AUTS2: variants seen among roughly 807,000 people sequenced by gnomAD.
AUTS2 encodes the protein autism susceptibility gene 2 protein.
AUTS2 carries 17 observed loss-of-function variants against 112.4 expected under a neutral mutation model. The ratio of observed to expected loss-of-function variants is 0.15; its 90% confidence interval spans 0.10 to 0.23. The LOEUF is 0.23. Ranked by LOEUF, AUTS2 falls within the 10% of genes least tolerant of loss-of-function variation. The probability of loss-of-function intolerance (pLI) is 1.00; values close to 1 mark genes in which losing one functional copy is unlikely to be tolerated. For synonymous variants in AUTS2, 751 were observed against 702.7 expected, an observed-to-expected ratio of 1.07 and a Z score of -1.09; for missense variants, 1,510 against 1,701.6, an observed-to-expected ratio of 0.89 and a Z score of 1.98.
intron 2 of AUTS2, among the ~76,000 whole-genome samples, chr7:69,911,920 G>A (rs895126723): frequency 3.9e-5 from 6 of 152,074 alleles, no homozygotes; most frequent in Admixed American, 2.6e-4. Flanking sequence ...ATTTCACTGG[G>A]GACCTGTCCC....
At chr7:70,667,289 G>T (rs887493961) in intron 5 of AUTS2, among the ~76,000 whole-genome samples, 11 of 152,270 alleles carry the variant, frequency 7.2e-5, no homozygotes, top group African/African-American at 2.4e-4. Context: ...TTATAATACA[G>T]ATGTGAGCAA....
intron 4 of AUTS2, among the ~76,000 whole-genome samples, chr7:70,208,245 A>G (rs1460196005): frequency 6.6e-6 from 1 of 152,116 alleles, no homozygotes; most frequent in Non-Finnish European, 1.5e-5. Flanking sequence ...TTCAAAATAA[A>G]CTACTTCACT....
chr7:69,766,864 T>C (rs1788443174), intron 1 of AUTS2, among the ~76,000 whole-genome samples: 1 of 152,238 alleles, frequency 6.6e-6, no homozygotes, highest in South Asian at 2.1e-4. Flanking sequence ...GGATAAGAGT[T>C]GGAGTGGCAT....
intron 5 of AUTS2, among the ~76,000 whole-genome samples, chr7:70,637,752 G>A (rs1388709360): frequency 6.6e-6 from 1 of 152,082 alleles, no homozygotes; most frequent in Non-Finnish European, 1.5e-5. Flanking sequence ...GTGGGCAAGG[G>A]GATAATAGTG....
chr7:70,471,681 G>T (rs1797388469), intron 5 of AUTS2, among the ~76,000 whole-genome samples: 1 of 152,150 alleles, frequency 6.6e-6, no homozygotes, highest in Non-Finnish European at 1.5e-5. Flanking sequence ...TGGTGTGTGA[G>T]ATGATGTGCT....
intron 1 of AUTS2, among the ~76,000 whole-genome samples, chr7:69,791,082 C>T (rs1262159649): frequency 6.6e-6 from 1 of 152,232 alleles, no homozygotes; most frequent in Non-Finnish European, 1.5e-5. Flanking sequence ...AGAATGACCT[C>T]ATAGTTTCTG....
chr7:69,712,981 G>A (rs750872112), intron 1 of AUTS2, among the ~76,000 whole-genome samples: 1 of 152,092 alleles, frequency 6.6e-6, no homozygotes, highest in Non-Finnish European at 1.5e-5. Context: ...TAGATGTTGA[G>A]CATCTTTTCA....
chr7:70,234,701 T>C (rs1406524951), intron 4 of AUTS2, among the ~76,000 whole-genome samples: 2 of 152,218 alleles, frequency 1.3e-5, no homozygotes, highest in African/African-American at 2.4e-5. Flanking sequence ...GCTATTTGTA[T>C]TGGGCTATTT....
intron 5 of AUTS2, among the ~76,000 whole-genome samples, chr7:70,506,851 C>T (rs1325788990): frequency 6.6e-6 from 1 of 152,186 alleles, no homozygotes; most frequent in African/African-American, 2.4e-5. Context: ...TATGGTGTGT[C>T]CCAACCTACT....
intron 4 of AUTS2, among the ~76,000 whole-genome samples, chr7:70,354,372 T>A (rs1308376386): frequency 6.6e-6 from 1 of 152,248 alleles, no homozygotes; most frequent in Non-Finnish European, 1.5e-5. Context: ...ATCACAACTC[T>A]TTCTTTACTT....
intron 6 of AUTS2, among the ~76,000 whole-genome samples, chr7:70,724,443 C>CTTTTTTTTTTTTTTTTTTTTT (rs71077675): frequency 9.9e-6 from 1 of 101,386 alleles, no homozygotes; most frequent in Non-Finnish European, 1.9e-5. Context: ...TTCATCCTGA[C>CTTTTTTTTTTTTTTTTTTTTT]TTTTTTTTTT....
At chr7:69,679,250 C>T (rs906374897) in intron 1 of AUTS2, among the ~76,000 whole-genome samples, 1 of 152,190 alleles carries the variant, frequency 6.6e-6, no homozygotes, top group African/African-American at 2.4e-5. Context: ...ACCAGTGTGT[C>T]AGTGTCTTTC....
chr7:69,931,879 C>T (rs200467065), intron 2 of AUTS2, among the ~76,000 whole-genome samples: 4 of 152,192 alleles, frequency 2.6e-5, no homozygotes, highest in East Asian at 1.9e-4. Flanking sequence ...GACGACTTAC[C>T]TTGATGAGGC....
In AUTS2 at chr7:70,790,571, C is replaced by A; in HGVS notation, c.3355C>A (p.Arg1119=). The stretch of plus-strand genomic sequence containing the variant: ...CGAAGCCGACCGCTCCTTCAGGGAC[C>A]GGGAGCCTCACGACTACAGCCACCA... The part of the protein sequence containing the change: ...LYEADRSFRD[R]EPHDYSHHHH... Residue 1119 remains arginine, a synonymous_variant, in exon 19 of 19, where the codon CGG becomes AGG. Coordinates refer to ENST00000342771, the MANE Select transcript of AUTS2 (RefSeq NM_015570.4). This position sits in a 1 kb window ranked among gnomAD's most constrained non-coding sequence, Gnocchi z 7.6. The A allele has an allele frequency of 6.2e-7, 1 of 1,602,642 alleles. No homozygotes were observed. Among genetic ancestry groups the A allele is most frequent in the Non-Finnish European group, 8.5e-7 (1 of 1,175,298 alleles).
rs556835112 is a variant in AUTS2, at chr7:69,757,297, A to G, written c.310-141989A>G. ...AGAAGTTAGATTTCCCTGTTGGGAC[A>G]AGGCTTTCAGAGAAGTAAGTGGTTG... is the stretch of plus-strand genomic sequence containing the variant. On this transcript the variant is annotated intron_variant, in intron 1 of 18. Transcript: ENST00000342771. Among the ~76,000 whole-genome samples the G allele has an allele frequency of 3.9e-5, 6 of 152,356 alleles. No individual in the cohort carries two copies. The South Asian group carries it at 1.2e-3, about 32-fold the overall frequency.
chr7:70,552,276 T>C (rs1801046647), intron 5 of AUTS2, among the ~76,000 whole-genome samples: 1 of 152,212 alleles, frequency 6.6e-6, no homozygotes, highest in Non-Finnish European at 1.5e-5. Flanking sequence ...TATTAAGCTT[T>C]TTTCCCTCCC....
intron 6 of AUTS2, chr7:70,729,121 C>T (rs1368350015): frequency 1.3e-5 from 6 of 455,770 alleles, no homozygotes; most frequent in South Asian, 6.2e-5. Context: ...GCGAAAACGA[C>T]GGCCACACCC....
At chr7:70,787,791 C>G (rs762081976) in intron 18 of AUTS2, among the ~76,000 whole-genome samples, 1 of 152,164 alleles carries the variant, frequency 6.6e-6, no homozygotes, top group African/African-American at 2.4e-5. Context: ...CTTTCAAGTC[C>G]GTGCAGTCCA....
chr7:69,965,498 G>A (rs1267432391), intron 2 of AUTS2, among the ~76,000 whole-genome samples: 1 of 152,102 alleles, frequency 6.6e-6, no homozygotes. Flanking sequence ...TGCTAATGAG[G>A]GGAGAAGTTC....
Sources: allele counts gnomAD v4.1 joint callset (sites outside exome capture counted in the v4.1 genomes callset), GRCh38; gene constraint gnomAD v4.1.1; non-coding constraint Gnocchi (gnomAD v3.1); transcripts MANE v1.5; gene names NCBI Gene and HGNC (gene_info 2026-07-23, HGNC 2026-07-21).